The following FLRT1 variants were observed in gnomAD, a reference collection of about 807,000 sequenced individuals.
The protein encoded by FLRT1 is fibronectin leucine rich transmembrane protein 1.
FLRT1 carries 14 observed loss-of-function variants against 30.9 expected under a neutral mutation model. That is an observed-to-expected ratio of 0.45 (90% CI 0.30 to 0.71). FLRT1 has a LOEUF of 0.71. Ranked by LOEUF, FLRT1 falls within the 30% of genes least tolerant of loss-of-function variation. The pLI is 0.08. For synonymous variants in FLRT1, 368 were observed against 430.4 expected (o/e 0.85, Z 1.80); for missense variants, 737 against 949.2 (o/e 0.78, Z 2.94).
At chr11:64,078,865 C>T (rs1037394971) in intron 1 of FLRT1, among the ~76,000 whole-genome samples, 8 of 152,120 alleles carry the variant, frequency 5.3e-5, no homozygotes, top group African/African-American at 1.9e-4. Flanking sequence ...GAGACTGTCT[C>T]GGCAGAGGGG....
At chr11:64,109,248 A>C (rs1274331397) in intron 2 of FLRT1, among the ~76,000 whole-genome samples, 1 of 152,174 alleles carries the variant, frequency 6.6e-6, no homozygotes, top group South Asian at 2.1e-4. Flanking sequence ...AGCCAGCAGC[A>C]GGGTCCCCAG....
intron 1 of FLRT1, among the ~76,000 whole-genome samples, chr11:64,085,883 G>A (rs905028433): frequency 2.0e-5 from 3 of 152,194 alleles, no homozygotes; most frequent in Admixed American, 6.5e-5. Context: ...GGGGGGTGAG[G>A]AAAGGGGGCC....
chr11:64,052,663 A>C (rs1009089855), intron 1 of FLRT1, among the ~76,000 whole-genome samples: 3 of 152,228 alleles, frequency 2.0e-5, no homozygotes, highest in Admixed American at 2.0e-4. Flanking sequence ...TGACCTGGGC[A>C]TCCCTGATAG....
intron 2 of FLRT1, among the ~76,000 whole-genome samples, chr11:64,114,855 A>C (rs900884393): frequency 2.0e-5 from 3 of 152,202 alleles, no homozygotes; most frequent in Non-Finnish European, 2.9e-5. Flanking sequence ...GCCTCAGGAA[A>C]ACCTAGCAGA....
chr11:64,063,993 CTT>C (rs1391659122), intron 1 of FLRT1, among the ~76,000 whole-genome samples: 4 of 152,190 alleles, frequency 2.6e-5, no homozygotes, highest in African/African-American at 7.2e-5. Flanking sequence ...GACGGCTCCT[CTT>C]GTCAGGCAGC....
chr11:64,057,239 G>A (rs940577162), intron 1 of FLRT1, among the ~76,000 whole-genome samples: 2 of 152,230 alleles, frequency 1.3e-5, no homozygotes, highest in African/African-American at 2.4e-5. Flanking sequence ...GGGGCTGAAC[G>A]TAGGGGACGG....
chr11:64,045,833 T>A (rs1245849660), intron 1 of FLRT1, among the ~76,000 whole-genome samples: 1 of 152,144 alleles, frequency 6.6e-6, no homozygotes, highest in Non-Finnish European at 1.5e-5. Flanking sequence ...AAACCTGTAA[T>A]CCCAGCATCT....
intron 1 of FLRT1, among the ~76,000 whole-genome samples, chr11:64,071,749 C>T (rs538955842): frequency 2.2e-4 from 34 of 152,330 alleles, no homozygotes; most frequent in African/African-American, 7.7e-4. Flanking sequence ...TCACAGATGG[C>T]AGGAGACTGG....
intron 1 of FLRT1, among the ~76,000 whole-genome samples, chr11:64,054,712 C>T (rs1467481921): frequency 6.6e-6 from 1 of 152,128 alleles, no homozygotes; most frequent in Non-Finnish European, 1.5e-5. Context: ...TATCTTGCTC[C>T]CAAATCAACA....
intron 1 of FLRT1, among the ~76,000 whole-genome samples, chr11:64,101,765 G>A (rs1301252402): frequency 6.6e-6 from 1 of 152,186 alleles, no homozygotes; most frequent in Non-Finnish European, 1.5e-5. Context: ...CCCTTCCAGG[G>A]CCTGTGCCCC....
rs970756885 is a variant in FLRT1 at position 64,090,842 on chromosome 11, C to G, written c.-1037-12352C>G. Among the ~76,000 whole-genome samples the G allele has an allele frequency of 6.6e-6, 1 of 152,008 alleles. No individual in the cohort carries two copies. Among genetic ancestry groups the G allele is most frequent in the Admixed American group, 6.6e-5 (1 of 15,266 alleles). On this transcript the variant is annotated intron_variant, in intron 1 of 2. Transcript: ENST00000682287. The surrounding 1 kb of genome is among the most constrained non-coding windows in gnomAD (Gnocchi z 4.7). Reference sequence around the variant, plus strand: ...AAGCAGAGCCCGAGTCGGGTCCAGCCCTGCACTCCCAGGGAGCCCTGAGGG... The same window carrying G: ...AAGCAGAGCCCGAGTCGGGTCCAGCGCTGCACTCCCAGGGAGCCCTGAGGG...
At chr11:64,093,414 G>A (rs917028210) in intron 1 of FLRT1, among the ~76,000 whole-genome samples, 1 of 152,218 alleles carries the variant, frequency 6.6e-6, no homozygotes, top group Non-Finnish European at 1.5e-5. Context: ...TGAGTGAGCC[G>A]GGAAGCCAGG....
chr11:64,050,713 G>A lies in FLRT1; in HGVS notation c.-1038+14554G>A, dbSNP rs535412114. On this transcript the variant is annotated intron_variant, in intron 1 of 2. Coordinates refer to ENST00000682287, the MANE Select transcript of FLRT1 (RefSeq NM_013280.5). ...GGCTCACTGCAACCTCTGCTTCCCG[G>A]GTTCAAGCGATTCTCCTGCCTCAGC... Among the ~76,000 whole-genome samples, 24 of 152,324 alleles carry A rather than the reference G, an allele frequency of 1.6e-4. 1 individual carries two copies. Among genetic ancestry groups the A allele is most frequent in the Admixed American group, 1.4e-3 (21 of 15,306 alleles).
intron 1 of FLRT1, among the ~76,000 whole-genome samples, chr11:64,039,383 G>A (rs748589414): frequency 7.2e-5 from 11 of 152,174 alleles, no homozygotes; most frequent in Non-Finnish European, 1.6e-4. Flanking sequence ...TGCCCCCGGT[G>A]TACTGCCTTC....
chr11:64,111,782 G>T (rs1042680599), intron 2 of FLRT1, among the ~76,000 whole-genome samples: 2 of 152,200 alleles, frequency 1.3e-5, no homozygotes, highest in Non-Finnish European at 2.9e-5. Flanking sequence ...CATGATCTGG[G>T]CCAGTGTCCT....
intron 1 of FLRT1, among the ~76,000 whole-genome samples, chr11:64,050,910 C>T (rs111841856): frequency 0.015 from 2,299 of 152,334 alleles, 52 homozygotes; most frequent in African/African-American, 0.052. Flanking sequence ...TGAGCCACCG[C>T]GCCCGGCCAC....
chr11:64,070,311 A>G (rs181768857), intron 1 of FLRT1, among the ~76,000 whole-genome samples: 1 of 152,200 alleles, frequency 6.6e-6, no homozygotes, highest in African/African-American at 2.4e-5. Flanking sequence ...GAGCCTCCTC[A>G]TGTTCCCTGG....
chr11:64,089,638 C>A (rs147526828), intron 1 of FLRT1, among the ~76,000 whole-genome samples: 26 of 152,356 alleles, frequency 1.7e-4, no homozygotes, highest in African/African-American at 5.8e-4. Context: ...CAGTCCCAGC[C>A]TGGCCCCACT....
chr11:64,076,446 A>C (rs534476715), intron 1 of FLRT1, among the ~76,000 whole-genome samples: 137 of 151,758 alleles, frequency 9.0e-4, no homozygotes, highest in African/African-American at 3.2e-3. Flanking sequence ...GGATGGATGG[A>C]TGGACGGATG....
Sources: allele counts gnomAD v4.1 joint callset (sites outside exome capture counted in the v4.1 genomes callset), GRCh38; gene constraint gnomAD v4.1.1; non-coding constraint Gnocchi (gnomAD v3.1); transcripts MANE v1.5; gene names NCBI Gene and HGNC (gene_info 2026-07-23, HGNC 2026-07-21).